The following CHPT1 variants were observed in gnomAD, a reference collection of about 807,000 sequenced individuals.
CHPT1 encodes choline phosphotransferase 1, also known as cholinephosphotransferase 1.
In CHPT1, 36 loss-of-function variants were observed where a neutral mutation model predicts 47.6. The ratio of observed to expected loss-of-function variants is 0.76; its 90% CI spans 0.58 to 1.00. CHPT1 has a LOEUF of 1.00. Ranked by LOEUF, CHPT1 falls within the 50% of genes least tolerant of loss-of-function variation. The pLI is 0.00. For missense variants in CHPT1, 458 were observed against 498.1 expected (o/e 0.92, Z 0.77); for synonymous variants, 194 against 186.3 (o/e 1.04, Z -0.33).
chr12:101,716,599 G>T, intron 3 of CHPT1, 129 bp from the exon 4 acceptor site: 1 of 552,708 alleles, frequency 1.8e-6, no homozygotes, highest in South Asian at 2.8e-5. Context: ...TTCAATAATG[G>T]AAGTAAAGGT....
chr12:101,728,756 A>C (rs1332867527), intron 8 of CHPT1, 145 bp from the exon 9 acceptor site: 52 of 867,196 alleles, frequency 6.0e-5, no homozygotes, highest in Non-Finnish European at 8.4e-5. Flanking sequence ...GTTGCTAACT[A>C]ACTCATAACT....
chr12:101,725,404 TA>T (rs879763530), intron 7 of CHPT1, among the ~76,000 whole-genome samples: 6 of 152,068 alleles, frequency 3.9e-5, no homozygotes, highest in Admixed American at 3.3e-4. Context: ...GTTTAAAAAA[TA>T]GGGGATAATT....
intron 3 of CHPT1, chr12:101,714,925 C>A (rs550004196): frequency 1.0e-4 from 25 of 239,664 alleles, no homozygotes; most frequent in African/African-American, 5.0e-4. Flanking sequence ...AATTAAGGGA[C>A]CTGAATAATA....
At chr12:101,715,810 T>G (rs1324855885) in intron 3 of CHPT1, among the ~76,000 whole-genome samples, 1 of 152,018 alleles carries the variant, frequency 6.6e-6, no homozygotes, top group Non-Finnish European at 1.5e-5. Flanking sequence ...GGAAGGAGCG[T>G]GAGAAGAGCT....
At chr12:101,720,930 CAGA>C (rs1349899517) in intron 5 of CHPT1, among the ~76,000 whole-genome samples, 1 of 152,130 alleles carries the variant, frequency 6.6e-6, no homozygotes, top group African/African-American at 2.4e-5. Context: ...GGTAGTTGAA[CAGA>C]AGAAGACAAG....
intron 1 of CHPT1, among the ~76,000 whole-genome samples, chr12:101,703,806 A>G (rs932737948): frequency 1.3e-5 from 2 of 152,132 alleles, no homozygotes; most frequent in African/African-American, 4.8e-5. Flanking sequence ...AGTCATTTCT[A>G]CTTCTTATGT....
Position 101,716,806 on chromosome 12 carries a change from C to G in CHPT1, c.642C>G (p.Asp214Glu). The G allele has an allele frequency of 1.3e-6, 2 of 1,572,916 alleles. No individual in the cohort carries two copies. Among genetic ancestry groups the G allele is most frequent in the Non-Finnish European group, 1.7e-6 (2 of 1,154,110 alleles). The stretch of plus-strand genomic sequence containing the variant: ...CATTTGGAGGAGCAACAATGTGGGA[C>G]TATACGGTAAATCTGAATATTTAAA... ...LSAFGGATMW[D>E]YTIPILEIKL... The change falls in exon 4 of 9, where the codon GAC becomes GAG. Residue 214 changes from aspartate to glutamate, a missense_variant. Coordinates refer to ENST00000229266, the MANE Select transcript of CHPT1 (RefSeq NM_020244.3).
rs1951492132 is a variant in CHPT1 at position 101,698,147 on chromosome 12, G to A, written c.273+13G>A. The A allele has an allele frequency of 2.1e-6, 3 of 1,462,146 alleles. No homozygotes were observed. Among genetic ancestry groups the A allele is most frequent in the Admixed American group, 2.4e-5 (1 of 42,064 alleles). 90.6% of individuals were successfully genotyped at this position (1,462,146 alleles called of 1,614,324 possible). On this transcript the variant is annotated intron_variant, in intron 1 of 8. Transcript: ENST00000229266. ...GGCCACCGAAGAGGTAGGGCTGGCC[G>A]ATCGCCCGAGCCGGGCCCCAGATGC...
At chr12:101,719,818 A>G (rs1053383333) in intron 4 of CHPT1, 12 of 227,420 alleles carry the variant, frequency 5.3e-5, no homozygotes, top group African/African-American at 1.9e-4. Flanking sequence ...GGCTGGTCCA[A>G]TGGTAGTCAG....
Position 101,719,581 on chromosome 12 carries a change from A to G in CHPT1, c.649-542A>G, listed in dbSNP as rs1951816316. Reference sequence around the variant, plus strand: ...ACACAGATGTTTTGCTTGCATACACATCATGATATTTGTTACATTTATGAT... The same window carrying G: ...ACACAGATGTTTTGCTTGCATACACGTCATGATATTTGTTACATTTATGAT... On this transcript the variant is annotated intron_variant, in intron 4 of 8. Transcript: ENST00000229266. 5 of 1,144,090 alleles carry G rather than the reference A, an allele frequency of 4.4e-6. No homozygotes were observed. The South Asian group carries it at 5.4e-5, about 12-fold the overall frequency. The allele number at this position is 1,144,090 out of a possible 1,614,324, so 70.9% of individuals were successfully genotyped here. A position where few individuals can be genotyped will look rare whatever the true frequency, so the allele number is the denominator to read the frequency against.
intron 7 of CHPT1, among the ~76,000 whole-genome samples, chr12:101,725,083 G>A (rs947398538): frequency 1.2e-4 from 19 of 152,150 alleles, no homozygotes; most frequent in South Asian, 4.1e-4. Flanking sequence ...TAATCTCACC[G>A]TATTTGTTAG....
chr12:101,706,734 T>C (rs1280217678), intron 1 of CHPT1, among the ~76,000 whole-genome samples: 4 of 152,104 alleles, frequency 2.6e-5, no homozygotes, highest in African/African-American at 9.7e-5. Flanking sequence ...ACAACTCTTA[T>C]TTGAAAAAAT....
In CHPT1 at chr12:101,708,135, G is replaced by T. The variant is rs1239153863; in HGVS notation, c.274-5955G>T. ...GCTAGGATGTCAGTTTAATTTGTTT[G>T]TGCTTCTATACGATAGTTACAGTGT... On this transcript the variant is annotated intron_variant, in intron 1 of 8. Coordinates refer to ENST00000229266, the MANE Select transcript of CHPT1 (RefSeq NM_020244.3). 1.2e-4 allele frequency among the ~76,000 whole-genome samples: 18 copies of T among 152,252 alleles called. No homozygotes were observed. In the South Asian group the frequency reaches 3.5e-3, roughly 30 times the overall value.
At chr12:101,723,883 A>C (rs756286764) in intron 7 of CHPT1, 36 bp downstream of exon 7, 54 of 1,421,168 alleles carry the variant, frequency 3.8e-5, no homozygotes, top group Non-Finnish European at 5.1e-5. Context: ...ATTTTTTAAC[A>C]ATGCTTAAGA....
chr12:101,711,645 G>A (rs1232187497), intron 1 of CHPT1, among the ~76,000 whole-genome samples: 2 of 148,242 alleles, frequency 1.3e-5, no homozygotes, highest in Non-Finnish European at 3.0e-5. Flanking sequence ...AAATTGAACT[G>A]TAAAATGAAT....
In CHPT1 at chr12:101,714,215, T is replaced by C. The variant is rs1168553972; in HGVS notation, c.399T>C (p.His133=). 1.9e-6 allele frequency: 3 copies of C among 1,600,592 alleles called. No individual in the cohort carries two copies. The highest frequency in any genetic ancestry group is 1.8e-5 in the Admixed American group (1 of 56,496). ...SCSPLGELFD[H]GCDSLSTVFM... Reference sequence around the variant, plus strand: ...CCCCTTTAGGGGAGCTCTTTGACCATGGCTGTGACTCTCTTTCCACAGGTA... The same window carrying C: ...CCCCTTTAGGGGAGCTCTTTGACCACGGCTGTGACTCTCTTTCCACAGGTA... Residue 133 remains histidine (H), a synonymous_variant, in exon 2 of 9, where the codon CAT becomes CAC. Coordinates refer to ENST00000229266, the MANE Select transcript of CHPT1 (RefSeq NM_020244.3).
intron 1 of CHPT1, 51 bp from the exon 2 acceptor site, chr12:101,714,039 A>G: frequency 1.5e-6 from 2 of 1,312,818 alleles, no homozygotes; most frequent in Non-Finnish European, 2.1e-6. Flanking sequence ...AGCTATTTTC[A>G]GAAAGCTTAT....
At chr12:101,705,719 C>G (rs531280618) in intron 1 of CHPT1, among the ~76,000 whole-genome samples, 76 of 123,388 alleles carry the variant, frequency 6.2e-4, no homozygotes, top group African/African-American at 2.4e-3. Flanking sequence ...GCAAGAAAAA[C>G]CTGGGGCATG....
intron 4 of CHPT1, chr12:101,717,492 T>C (rs1951782293): frequency 3.3e-6 from 1 of 298,900 alleles, no homozygotes; most frequent in South Asian, 3.2e-5. Context: ...TAACAGTCAT[T>C]CAATACTTAT....
Sources: allele counts gnomAD v4.1 joint callset (sites outside exome capture counted in the v4.1 genomes callset), GRCh38; gene constraint gnomAD v4.1.1; transcripts MANE v1.5; gene names NCBI Gene and HGNC (gene_info 2026-07-23, HGNC 2026-07-21).